PALLD: variants seen among roughly 807,000 people sequenced by gnomAD.
PALLD encodes palladin.
Under a neutral mutation model 123.5 loss-of-function variants are expected in PALLD, and 61 were observed. The observed-to-expected ratio is 0.49, with a 90% CI of 0.40 to 0.61. The LOEUF (loss-of-function observed/expected upper bound fraction) is 0.61, where lower values mean the gene tolerates loss of function less well. Among genes scored for constraint, PALLD ranks in the 20% least tolerant of loss-of-function variants. The pLI is 0.00. For synonymous variants in PALLD, 465 were observed against 496.4 expected (o/e 0.94, Z 0.84); for missense variants, 1,273 against 1,377.0 (o/e 0.92, Z 1.20).
intron 2 of PALLD, among the ~76,000 whole-genome samples, chr4:168,606,712 T>C (rs1288587408): frequency 2.0e-5 from 3 of 146,952 alleles, no homozygotes; most frequent in African/African-American, 7.5e-5. Context: ...GTCAGTTTCC[T>C]CATATAAACT....
Position 168,898,510 on chromosome 4 carries a change from C to G in PALLD, c.2268C>G (p.Ser756Arg). 1 of 1,611,234 alleles carries G rather than the reference C, an allele frequency of 6.2e-7. No homozygotes were observed. Among genetic ancestry groups the G allele is most frequent in the Non-Finnish European group, 8.5e-7 (1 of 1,177,396 alleles). ...LDGQKEYKVS[S>R]CEQRLISEIE... is the part of the protein sequence containing the mutation. ...TGATTCAGGAATACAAAGTCTCCAG[C>G]TGTGAACAGAGACTCATCAGTGAAA... The change falls in exon 14 of 22, where the codon AGC becomes AGG. Residue 756 changes from serine to arginine, a missense_variant. This residue lies in a region of PALLD where 944 missense variants were observed against 954.5 expected (regional missense o/e 0.99). Coordinates refer to ENST00000505667, the MANE Select transcript of PALLD (RefSeq NM_001166108.2).
intron 10 of PALLD, among the ~76,000 whole-genome samples, chr4:168,727,230 G>T (rs576533126): frequency 6.6e-6 from 1 of 152,056 alleles, no homozygotes; most frequent in Non-Finnish European, 1.5e-5. Flanking sequence ...ATTTTCCTTT[G>T]GGTATATACC....
intron 10 of PALLD, among the ~76,000 whole-genome samples, chr4:168,862,428 T>G (rs1749627945): frequency 6.6e-6 from 1 of 152,186 alleles, no homozygotes; most frequent in Non-Finnish European, 1.5e-5. Flanking sequence ...ATTACAGGCA[T>G]GCAACACTGT....
intron 8 of PALLD, among the ~76,000 whole-genome samples, chr4:168,693,004 G>A (rs1782771775): frequency 6.6e-6 from 1 of 152,200 alleles, no homozygotes; most frequent in Non-Finnish European, 1.5e-5. Context: ...AGCTAAGGAA[G>A]AATAAATTTG....
At chr4:168,580,548 T>G (rs949381066) in intron 2 of PALLD, among the ~76,000 whole-genome samples, 1 of 152,062 alleles carries the variant, frequency 6.6e-6, no homozygotes, top group Admixed American at 6.6e-5. Context: ...CTTCAACCAT[T>G]GTGGAAAGCA....
chr4:168,855,905 GTA>G (rs1748539647), intron 10 of PALLD, among the ~76,000 whole-genome samples: 1 of 152,180 alleles, frequency 6.6e-6, no homozygotes, highest in South Asian at 2.1e-4. Context: ...TGTTACAAGG[GTA>G]TATTCATGAT....
chr4:168,592,112 G>T (rs1325936014), intron 2 of PALLD, among the ~76,000 whole-genome samples: 1 of 151,266 alleles, frequency 6.6e-6, no homozygotes, highest in African/African-American at 2.4e-5. Context: ...CACCTCCGAG[G>T]TTCAAGCGAT....
intron 10 of PALLD, among the ~76,000 whole-genome samples, chr4:168,820,600 T>C (rs1742575850): frequency 6.6e-6 from 1 of 152,144 alleles, no homozygotes; most frequent in African/African-American, 2.4e-5. Context: ...CCTTGGGATT[T>C]ACACCCAAAG....
At chr4:168,758,070 C>A (rs896642738) in intron 10 of PALLD, among the ~76,000 whole-genome samples, 1 of 152,118 alleles carries the variant, frequency 6.6e-6, no homozygotes, top group Admixed American at 6.5e-5. Flanking sequence ...GACTCCATCT[C>A]AAAAAATAAT....
At chr4:168,719,534 A>G (rs1045201472) in intron 10 of PALLD, among the ~76,000 whole-genome samples, 7 of 152,162 alleles carry the variant, frequency 4.6e-5, no homozygotes, top group African/African-American at 1.7e-4. Context: ...TGCTAGGATT[A>G]CAGGTGTGAG....
At chr4:168,571,275 C>G (rs1414817999) in intron 2 of PALLD, among the ~76,000 whole-genome samples, 1 of 152,124 alleles carries the variant, frequency 6.6e-6, no homozygotes. Context: ...TCTATTTACT[C>G]TATGTGTGAT....
At chr4:168,892,983 A>G (rs985458010) in intron 11 of PALLD, among the ~76,000 whole-genome samples, 2 of 152,162 alleles carry the variant, frequency 1.3e-5, no homozygotes, top group Admixed American at 6.5e-5. Context: ...AATATTATAT[A>G]TCATTCTCTT....
At chr4:168,864,866 A>G (rs1318643462) in intron 10 of PALLD, among the ~76,000 whole-genome samples, 1 of 152,224 alleles carries the variant, frequency 6.6e-6, no homozygotes, top group Non-Finnish European at 1.5e-5. Context: ...TATTATAGAA[A>G]ACTCTGTTTG....
chr4:168,903,560 T>C (rs751621983), intron 14 of PALLD, among the ~76,000 whole-genome samples, 197 bp from the exon 15 acceptor site: 8 of 152,182 alleles, frequency 5.3e-5, no homozygotes, highest in Non-Finnish European at 1.0e-4. Context: ...ATATATAATT[T>C]AAAAACTCAA....
At chr4:168,659,590 G>T (rs1778933613) in intron 2 of PALLD, among the ~76,000 whole-genome samples, 1 of 152,148 alleles carries the variant, frequency 6.6e-6, no homozygotes, top group African/African-American at 2.4e-5. Flanking sequence ...TTGATTTAAA[G>T]GAGAAAATAA....
chr4:168,709,223 G>T, intron 9 of PALLD, 76 bp downstream of exon 9: 1 of 1,507,492 alleles, frequency 6.6e-7, no homozygotes, highest in Non-Finnish European at 9.1e-7. Flanking sequence ...GAAAGGCACC[G>T]TCCTGGCCAG....
chr4:168,759,202 AATATATATATATATAT>A (rs147474708), intron 10 of PALLD, among the ~76,000 whole-genome samples: 68 of 22,252 alleles, frequency 3.1e-3, no homozygotes, highest in Middle Eastern at 0.042. Flanking sequence ...AAAAAAAAAA[AATATATATATATATAT>A]ATATATATAT....
At chr4:168,770,918 G>A (rs1048757484) in intron 10 of PALLD, among the ~76,000 whole-genome samples, 7 of 152,060 alleles carry the variant, frequency 4.6e-5, no homozygotes, top group African/African-American at 1.4e-4. Context: ...AACTTAGCTG[G>A]GCATGGGAGC....
At chr4:168,820,958 A>AAAAT (rs1742632594) in intron 10 of PALLD, among the ~76,000 whole-genome samples, 1 of 152,220 alleles carries the variant, frequency 6.6e-6, no homozygotes, top group Admixed American at 6.5e-5. Flanking sequence ...GGATCGCAAT[A>AAAAT]AGAGTTATTG....
Sources: gnomAD v4.1 joint callset for allele counts (sites outside exome capture counted in the v4.1 genomes callset) on GRCh38, gnomAD v4.1.1 for gene constraint, gnomAD v4.1.1 regional missense constraint, MANE v1.5 for transcripts, NCBI Gene and HGNC (gene_info 2026-07-23, HGNC 2026-07-21) for gene names.